The following WWOX variants were observed in gnomAD, a reference collection of about 807,000 sequenced individuals.
The protein encoded by WWOX is WW domain-containing oxidoreductase.
In WWOX, 69 loss-of-function variants were observed where a neutral mutation model predicts 46.2. That is an observed-to-expected ratio of 1.49 (90% confidence interval 1.23 to 1.82). The LOEUF is 1.82. Ranked by LOEUF, WWOX falls within the 40% of genes most tolerant of loss-of-function variation. WWOX has a pLI of 0.00. For synonymous variants in WWOX, 359 were observed against 202.6 expected, an observed-to-expected ratio of 1.77 and a Z score of -6.56; for missense variants, 919 against 542.6, an observed-to-expected ratio of 1.69 and a Z score of -6.89.
At chr16:78,935,720 C>T (rs573494139) in intron 8 of WWOX, among the ~76,000 whole-genome samples, 1 of 151,668 alleles carries the variant, frequency 6.6e-6, no homozygotes, top group African/African-American at 2.4e-5. Context: ...CAAAGCTGCA[C>T]ATTGTGCACA....
chr16:78,590,946 A>G (rs1227372303), intron 8 of WWOX, among the ~76,000 whole-genome samples: 1 of 152,152 alleles, frequency 6.6e-6, no homozygotes, highest in Non-Finnish European at 1.5e-5. Flanking sequence ...CGTATGGAGG[A>G]GTAATATGGC....
chr16:79,175,301 C>G (rs900518761), intron 8 of WWOX, among the ~76,000 whole-genome samples: 4 of 152,182 alleles, frequency 2.6e-5, no homozygotes, highest in Non-Finnish European at 5.9e-5. Context: ...ATAAGAAAGC[C>G]TATATACTCT....
intron 8 of WWOX, among the ~76,000 whole-genome samples, chr16:78,876,978 C>G (rs938772061): frequency 3.3e-5 from 5 of 152,152 alleles, no homozygotes; most frequent in African/African-American, 1.2e-4. Flanking sequence ...AGTCTTATTA[C>G]TTTGCCTGTT....
intron 5 of WWOX, among the ~76,000 whole-genome samples, chr16:78,245,314 C>G (rs1328487383): frequency 1.3e-5 from 2 of 152,204 alleles, no homozygotes; most frequent in African/African-American, 2.4e-5. Context: ...GTCACTAACT[C>G]TTTTCAGTCG....
intron 4 of WWOX, among the ~76,000 whole-genome samples, chr16:78,146,948 A>T (rs2034219479): frequency 6.6e-6 from 1 of 152,196 alleles, no homozygotes; most frequent in Non-Finnish European, 1.5e-5. Context: ...CACTGCAAGA[A>T]AACTCACAGA....
chr16:78,621,383 C>T (rs990366297), intron 8 of WWOX, among the ~76,000 whole-genome samples: 1 of 151,956 alleles, frequency 6.6e-6, no homozygotes, highest in African/African-American at 2.4e-5. Context: ...GTCTTACCTC[C>T]TCATCCTCAC....
At chr16:78,306,605 C>T (rs1231649110) in intron 5 of WWOX, among the ~76,000 whole-genome samples, 1 of 152,152 alleles carries the variant, frequency 6.6e-6, no homozygotes, top group African/African-American at 2.4e-5. Flanking sequence ...AGAGTTGAGA[C>T]ATTGCCTTCC....
At chr16:78,183,990 C>T (rs1286134576) in intron 5 of WWOX, among the ~76,000 whole-genome samples, 2 of 152,158 alleles carry the variant, frequency 1.3e-5, no homozygotes, top group African/African-American at 4.8e-5. Context: ...GGGCAGGCTT[C>T]AGCAACTTCA....
intron 4 of WWOX, among the ~76,000 whole-genome samples, chr16:78,163,601 A>C (rs76694516): frequency 0.022 from 3,407 of 152,292 alleles, 148 homozygotes; most frequent in African/African-American, 0.077. Flanking sequence ...ATTCTTAGTC[A>C]TAGTGCCCTT....
chr16:79,041,661 A>C (rs2047973989), intron 8 of WWOX, among the ~76,000 whole-genome samples: 1 of 152,144 alleles, frequency 6.6e-6, no homozygotes, highest in East Asian at 1.9e-4. Context: ...ATCCCACCTC[A>C]GAAAGACAGA....
intron 8 of WWOX, among the ~76,000 whole-genome samples, chr16:78,442,216 C>A (rs113968006): frequency 0.035 from 5,330 of 152,120 alleles, 133 homozygotes; most frequent in Admixed American, 0.07. Flanking sequence ...AAATGACTAC[C>A]ACAATCAAGC....
intron 8 of WWOX, among the ~76,000 whole-genome samples, chr16:79,079,347 C>T (rs569810852): frequency 1.4e-4 from 21 of 152,046 alleles, no homozygotes; most frequent in Middle Eastern, 6.8e-3. Context: ...GGGTTCCCCC[C>T]GACAAAAAAA....
At chr16:79,129,292 A>G (rs2049826560) in intron 8 of WWOX, among the ~76,000 whole-genome samples, 1 of 150,728 alleles carries the variant, frequency 6.6e-6, no homozygotes. Context: ...ATATTAAAAG[A>G]TTGTATAAAT....
At chr16:78,175,278 A>G (rs1442229416) in intron 5 of WWOX, among the ~76,000 whole-genome samples, 1 of 152,120 alleles carries the variant, frequency 6.6e-6, no homozygotes, top group Non-Finnish European at 1.5e-5. Flanking sequence ...AGATGCAGCT[A>G]TGCCCAAGGT....
chr16:78,564,345 G>A (rs1411055420), intron 8 of WWOX, among the ~76,000 whole-genome samples: 3 of 152,218 alleles, frequency 2.0e-5, no homozygotes, highest in South Asian at 4.1e-4. Context: ...GTATGCAGAA[G>A]TATTCAGTTA....
intron 8 of WWOX, among the ~76,000 whole-genome samples, chr16:79,035,657 G>T (rs535502932): frequency 6.6e-6 from 1 of 152,164 alleles, no homozygotes; most frequent in East Asian, 1.9e-4. Flanking sequence ...TCCTGCCTCA[G>T]CCTCCCAAGT....
chr16:79,103,286 A>C (rs1349629956), intron 8 of WWOX, among the ~76,000 whole-genome samples: 2 of 152,194 alleles, frequency 1.3e-5, no homozygotes, highest in Admixed American at 6.5e-5. Flanking sequence ...TATGTATTTA[A>C]TTTCTGTATG....
chr16:78,999,472 AG>A (rs1400254519), intron 8 of WWOX, among the ~76,000 whole-genome samples: 1 of 152,194 alleles, frequency 6.6e-6, no homozygotes, highest in Non-Finnish European at 1.5e-5. Context: ...CTCCTTCTCA[AG>A]AAAGAAGGAA....
In WWOX at chr16:78,348,150, T is replaced by G. The variant is rs1179450356; in HGVS notation, c.517-38710T>G. Among the ~76,000 whole-genome samples the G allele has an allele frequency of 1.6e-5, 2 of 122,508 alleles. 1 individual carries two copies. The highest frequency in any genetic ancestry group is 1.6e-4 in the Admixed American group (2 of 12,686). 80.4% of individuals were successfully genotyped at this position (122,508 alleles called of 152,430 possible). A position where few individuals can be genotyped will look rare whatever the true frequency, so the allele number is the denominator to read the frequency against. On this transcript the variant is annotated intron_variant, in intron 5 of 8. Coordinates refer to ENST00000566780, the MANE Select transcript of WWOX (RefSeq NM_016373.4). ...GAACAGAGCTGAGGCTCCTAAGGTC[T>G]AGAGTCAACATGAAAATACCTTTGC...
Sources: allele counts gnomAD v4.1 joint callset (sites outside exome capture counted in the v4.1 genomes callset), GRCh38; gene constraint gnomAD v4.1.1; transcripts MANE v1.5; gene names NCBI Gene and HGNC (gene_info 2026-07-23, HGNC 2026-07-21).